Variants in STAB2 observed in about 807,000 individuals in gnomAD.
The protein encoded by STAB2 is stabilin 2, also known as stabilin-2.
STAB2 carries 288 observed loss-of-function variants against 338.1 expected under a neutral mutation model. The observed-to-expected ratio is 0.85, with a 90% confidence interval of 0.77 to 0.94. STAB2 has a LOEUF of 0.94. Among genes scored for constraint, STAB2 ranks in the 40% least tolerant of loss-of-function variants. The pLI, the probability that STAB2 is intolerant of heterozygous loss-of-function variation, is 0.00. For missense variants in STAB2, 3,141 were observed against 3,210.1 expected, an observed-to-expected ratio of 0.98 and a Z score of 0.52; for synonymous variants, 1,202 against 1,193.3, an observed-to-expected ratio of 1.01 and a Z score of -0.15.
intron 45 of STAB2, among the ~76,000 whole-genome samples, chr12:103,725,891 T>C (rs560675695): frequency 6.6e-6 from 1 of 152,204 alleles, no homozygotes; most frequent in Non-Finnish European, 1.5e-5. Context: ...TGGCTGAACC[T>C]TTCTTTCATA....
At chr12:103,662,385 T>C (rs1295252091) in intron 17 of STAB2, among the ~76,000 whole-genome samples, 1 of 152,130 alleles carries the variant, frequency 6.6e-6, no homozygotes, top group Non-Finnish European at 1.5e-5. Flanking sequence ...TCTTTGCTAA[T>C]TGGTTCATTT....
chr12:103,733,253 T>C (rs1881785582), intron 51 of STAB2, 71 bp downstream of exon 51: 3 of 1,556,708 alleles, frequency 1.9e-6, no homozygotes, highest in Non-Finnish European at 2.6e-6. Context: ...CACCAAGGCA[T>C]TGTGGCCTAG....
chr12:103,696,157 G>A (rs1878387858), intron 33 of STAB2, among the ~76,000 whole-genome samples: 1 of 152,094 alleles, frequency 6.6e-6, no homozygotes, highest in East Asian at 1.9e-4. Flanking sequence ...ACAGGTGCTT[G>A]GCCTGTTTAG....
chr12:103,649,386 C>G (rs1873571241), intron 10 of STAB2, among the ~76,000 whole-genome samples: 1 of 152,246 alleles, frequency 6.6e-6, no homozygotes, highest in South Asian at 2.1e-4. Context: ...CTAAAACACC[C>G]TCATGTATTT....
At position 103,762,268 on chromosome 12, in the gene STAB2, G is replaced by T; in HGVS notation, c.7360-6G>T. 1 of 1,614,056 alleles carries T rather than the reference G, an allele frequency of 6.2e-7. No individual in the cohort carries two copies. Among genetic ancestry groups the T allele is most frequent in the Non-Finnish European group, 8.5e-7 (1 of 1,179,996 alleles). On this transcript the variant is annotated splice_polypyrimidine_tract_variant and splice_region_variant and intron_variant, in intron 66 of 68. Transcript: ENST00000388887. Reference sequence around the variant, plus strand: ...GAATGGGCCCCTTTCCTTTCTTTGTGTTCAGACCTTGACCCACACTGGCTT... The same window carrying T: ...GAATGGGCCCCTTTCCTTTCTTTGTTTTCAGACCTTGACCCACACTGGCTT...
At chr12:103,719,580 C>T (rs1880594157) in intron 44 of STAB2, among the ~76,000 whole-genome samples, 1 of 152,238 alleles carries the variant, frequency 6.6e-6, no homozygotes, top group East Asian at 1.9e-4. Flanking sequence ...GGCCGCATCA[C>T]TCCAATCTTG....
At chr12:103,658,172 A>C (rs1040173020) in intron 15 of STAB2, among the ~76,000 whole-genome samples, 1 of 152,204 alleles carries the variant, frequency 6.6e-6, no homozygotes, top group African/African-American at 2.4e-5. Flanking sequence ...AGGGACGTGA[A>C]TTTATACAGT....
At chr12:103,686,381 G>C (rs1252641645) in intron 27 of STAB2, among the ~76,000 whole-genome samples, 2 of 152,168 alleles carry the variant, frequency 1.3e-5, no homozygotes, top group African/African-American at 4.8e-5. Flanking sequence ...CTCTGCACTA[G>C]CTACAGACCC....
chr12:103,675,526 A>C lies in STAB2; in HGVS notation c.2553-402A>C, dbSNP rs1462142588. ...GTATTGAGCAGGAAGAGTTATAAAA[A>C]GGCAGGTTCTGGTAAAATAAGAGCA... On this transcript the variant is annotated intron_variant, in intron 23 of 68. Transcript: ENST00000388887. Among the ~76,000 whole-genome samples the C allele has an allele frequency of 2.6e-5, 4 of 152,274 alleles. No individual in the cohort carries two copies. The East Asian group carries it at 7.7e-4, about 29-fold the overall frequency.
chr12:103,732,930 T>A, intron 50 of STAB2, 76 bp from the exon 51 acceptor site: 1 of 1,539,314 alleles, frequency 6.5e-7, no homozygotes, highest in Non-Finnish European at 8.8e-7. Context: ...TGGAGGAGAA[T>A]CCTCAGAGAC....
chr12:103,713,086 A>T (rs1473304351), intron 41 of STAB2, among the ~76,000 whole-genome samples: 2 of 152,192 alleles, frequency 1.3e-5, no homozygotes, highest in Non-Finnish European at 2.9e-5. Context: ...AAGTTTCTTG[A>T]CTGCTCTTTG....
At chr12:103,723,746 G>A (rs1880957199) in intron 44 of STAB2, among the ~76,000 whole-genome samples, 1 of 152,188 alleles carries the variant, frequency 6.6e-6, no homozygotes, top group Non-Finnish European at 1.5e-5. Context: ...GAGCCAGGGA[G>A]GGTCACAGTG....
chr12:103,625,248 A>C (rs1957363261), intron 5 of STAB2, among the ~76,000 whole-genome samples: 1 of 152,238 alleles, frequency 6.6e-6, no homozygotes, highest in South Asian at 2.1e-4. Context: ...GTTACTGATG[A>C]GCACAGATGC....
At chr12:103,650,356 C>T in intron 10 of STAB2, 140 bp from the exon 11 acceptor site, 1 of 588,118 alleles carries the variant, frequency 1.7e-6, no homozygotes, top group Non-Finnish European at 3.1e-6. Context: ...CCAGTTGACA[C>T]AGGGCCTACA....
chr12:103,648,628 T>G, intron 9 of STAB2, 62 bp from the exon 10 acceptor site: 1 of 1,582,596 alleles, frequency 6.3e-7, no homozygotes, highest in Non-Finnish European at 8.6e-7. Flanking sequence ...GGGATTGGAC[T>G]GTATGATCAA....
intron 15 of STAB2, among the ~76,000 whole-genome samples, chr12:103,656,976 G>A (rs960976865): frequency 6.6e-6 from 1 of 151,986 alleles, no homozygotes; most frequent in Non-Finnish European, 1.5e-5. Context: ...GTGAGCCACC[G>A]CGCCCGGCCA....
chr12:103,612,321 C>T (rs1378692957), intron 3 of STAB2, among the ~76,000 whole-genome samples: 1 of 152,220 alleles, frequency 6.6e-6, no homozygotes, highest in Middle Eastern at 3.2e-3. Context: ...TTCAGGTACA[C>T]CAATCAGACG....
intron 25 of STAB2, among the ~76,000 whole-genome samples, chr12:103,682,353 C>A (rs12368532): frequency 6.6e-6 from 1 of 152,010 alleles, no homozygotes; most frequent in Non-Finnish European, 1.5e-5. Flanking sequence ...GACTGCCCTC[C>A]TGTCTAGGAT....
At chr12:103,766,078 T>C (rs1351553077) in intron 68 of STAB2, 5 of 697,208 alleles carry the variant, frequency 7.2e-6, no homozygotes, top group African/African-American at 1.8e-5. Flanking sequence ...GCCACCCAGC[T>C]TCAAGCAGGA....
Sources: allele counts gnomAD v4.1 joint callset (sites outside exome capture counted in the v4.1 genomes callset), GRCh38; gene constraint gnomAD v4.1.1; transcripts MANE v1.5; gene names NCBI Gene and HGNC (gene_info 2026-07-23, HGNC 2026-07-21).